Variants in TECPR1 observed in about 807,000 individuals in gnomAD.
TECPR1 encodes the protein tectonin beta-propeller repeat containing 1, also known as tectonin beta-propeller repeat-containing protein 1.
A neutral mutation model predicts 162.4 loss-of-function variants in TECPR1; 122 were observed. The ratio of observed to expected loss-of-function variants is 0.75; its 90% CI spans 0.65 to 0.87. The LOEUF (loss-of-function observed/expected upper bound fraction) is 0.87. Ranked by LOEUF, TECPR1 falls within the 40% of genes least tolerant of loss-of-function variation. The pLI is 0.00. For synonymous variants in TECPR1, 642 were observed against 670.6 expected (o/e 0.96, Z 0.66); for missense variants, 1,432 against 1,618.2 (o/e 0.88, Z 1.97).
intron 8 of TECPR1, among the ~76,000 whole-genome samples, chr7:98,239,071 C>G (rs961961025): frequency 6.6e-6 from 1 of 152,194 alleles, no homozygotes; most frequent in Non-Finnish European, 1.5e-5. Context: ...ATTTTCATGT[C>G]GACGTGTAAA....
In TECPR1 at chr7:98,244,595, G is replaced by T; in HGVS notation, c.507C>A (p.Tyr169Ter). The change falls in exon 5 of 26, where the codon TAC becomes TAA. Residue 169 changes from tyrosine (Y) to a stop codon, truncating the protein, a stop_gained. Coordinates refer to ENST00000447648, the MANE Select transcript of TECPR1 (RefSeq NM_015395.3). LOFTEE classifies it high-confidence loss of function. ...RRRKWIRYRRYKSRDIWAKIP... is the reference protein window; with the variant it reads ...RRRKWIRYRR ...CCTTGGCCCAGATGTCCCGGGACTTGTATCTCCTGTACCGGATCCACTTCC... is the reference window on the plus strand; with the variant it reads ...CCTTGGCCCAGATGTCCCGGGACTTTTATCTCCTGTACCGGATCCACTTCC... 1 of 1,611,678 alleles carries T rather than the reference G, an allele frequency of 6.2e-7. No individual in the cohort carries two copies.
chr7:98,242,373 G>C (rs1798772732), intron 6 of TECPR1, among the ~76,000 whole-genome samples: 1 of 152,024 alleles, frequency 6.6e-6, no homozygotes, highest in African/African-American at 2.4e-5. Context: ...CCTTGAGACA[G>C]GATTGCCTCT....
rs1005876262 is a variant in TECPR1, at chr7:98,215,553, A to G, written c.*1837T>C. 3.3e-5 allele frequency: 5 copies of G among 152,284 alleles called. No individual in the cohort carries two copies. The highest frequency in any genetic ancestry group is 1.2e-4 in the African/African-American group (5 of 41,476). 9.4% of individuals were successfully genotyped at this position (152,284 alleles called of 1,614,324 possible). ...GCTTATTGAGTAAAGTATCCGAGGA[A>G]GTGATGCAGGGCAGGTAAACAGCTG... is the stretch of plus-strand genomic sequence containing the variant. On this transcript the variant is annotated 3_prime_UTR_variant, in exon 26 of 26. Coordinates refer to ENST00000447648, the MANE Select transcript of TECPR1 (RefSeq NM_015395.3).
rs778175378 is a variant in TECPR1, at chr7:98,233,587, C to T, written c.1506G>A (p.Ser502=). The change falls in exon 11 of 26, where the codon TCG becomes TCA. Residue 502 remains serine (S), a synonymous_variant. Coordinates refer to ENST00000447648, the MANE Select transcript of TECPR1 (RefSeq NM_015395.3). ...TGGTGGTCTCGGGGAAGCCAGCGGC[C>T]GAGTGGCTGGGCACTTTCTTGGCCT... ...LKEAKKVPSH[S]AAGFPETTSL... is the part of the protein sequence containing the mutation. 7 of 1,592,998 alleles carry T rather than the reference C, an allele frequency of 4.4e-6. No individual in the cohort carries two copies. The highest frequency in any genetic ancestry group is 3.6e-5 in the Admixed American group (2 of 55,966).
rs80331419 is a variant in TECPR1 at position 98,218,063 on chromosome 7, G to A, written c.3158-21C>T. The A allele has an allele frequency of 1.1e-3, 1,760 of 1,543,512 alleles. 13 individuals carry two copies. The African/African-American group carries it at 0.022, about 19-fold the overall frequency. ...GTTTCCTGGGGAGAAAAGCAGTGAG[G>A]GTCAAAGGGGAAGACCTTCCCGGCC... On this transcript the variant is annotated intron_variant, in intron 23 of 25. Transcript: ENST00000447648.
intron 2 of TECPR1, among the ~76,000 whole-genome samples, chr7:98,247,355 G>A (rs1037960427): frequency 5.9e-5 from 9 of 151,894 alleles, no homozygotes; most frequent in African/African-American, 2.2e-4. Context: ...TGCCCAAGCT[G>A]GTCTCAAACT....
At position 98,246,162 on chromosome 7, in the gene TECPR1, T is replaced by A; in HGVS notation, c.-16A>T. 2 of 1,535,096 alleles carry A rather than the reference T, an allele frequency of 1.3e-6. No homozygotes were observed. The highest frequency in any genetic ancestry group is 1.8e-6 in the Non-Finnish European group (2 of 1,135,788). ...AGTTGGGCATGGCAGCGGCTGGAGG[T>A]AACCTGCGGCAGGAGGACGAGGGCC... On this transcript the variant is annotated 5_prime_UTR_variant, in exon 3 of 26. Coordinates refer to ENST00000447648, the MANE Select transcript of TECPR1 (RefSeq NM_015395.3).
In TECPR1 at chr7:98,241,404, G is replaced by C; in HGVS notation, c.658-160C>G. On this transcript the variant is annotated intron_variant, in intron 6 of 25. Transcript: ENST00000447648. The surrounding 1 kb of genome is among the most constrained non-coding windows in gnomAD (Gnocchi z 5.0). The stretch of plus-strand genomic sequence containing the variant: ...CCAAAAAACGCAAACCCTGGATTCC[G>C]GTGGTCCTGAGGGATACACTTGTTC... The C allele has an allele frequency of 1.2e-6, 1 of 818,754 alleles. No individual in the cohort carries two copies. The highest frequency in any genetic ancestry group is 1.9e-6 in the Non-Finnish European group (1 of 524,970). 50.7% of individuals were successfully genotyped at this position (818,754 alleles called of 1,614,324 possible). A position where few individuals can be genotyped will look rare whatever the true frequency, so the allele number is the denominator to read the frequency against.
chr7:98,224,609 C>G (rs2116545486), intron 19 of TECPR1, among the ~76,000 whole-genome samples, 192 bp downstream of exon 19: 2 of 152,276 alleles, frequency 1.3e-5, no homozygotes, highest in Middle Eastern at 6.8e-3. Flanking sequence ...AGGGAGCACT[C>G]CCCTGGGCCC....
intron 17 of TECPR1, among the ~76,000 whole-genome samples, chr7:98,225,618 CTT>C (rs1798263275): frequency 6.6e-6 from 1 of 151,816 alleles, no homozygotes; most frequent in Non-Finnish European, 1.5e-5. Context: ...TTCTTTCTCT[CTT>C]TCTTTCCCTT....
In TECPR1 at chr7:98,232,409, A is replaced by G. The variant is rs1214904104; in HGVS notation, c.1818+418T>C. On this transcript the variant is annotated intron_variant, in intron 12 of 25. Transcript: ENST00000447648. This position sits in a 1 kb window ranked among gnomAD's most constrained non-coding sequence, Gnocchi z 4.6. The stretch of plus-strand genomic sequence containing the variant: ...ACCTCTGAGGGCCGGGCTCTGCCAC[A>G]GGATAGTGGGGCAGAAGCAGGGTCA... Among the ~76,000 whole-genome samples the G allele has an allele frequency of 1.3e-5, 2 of 151,972 alleles. No individual in the cohort carries two copies. The highest frequency in any genetic ancestry group is 2.9e-5 in the Non-Finnish European group (2 of 67,980).
At chr7:98,230,422 C>T (rs1798394372) in intron 15 of TECPR1, among the ~76,000 whole-genome samples, 1 of 152,080 alleles carries the variant, frequency 6.6e-6, no homozygotes, top group Admixed American at 6.5e-5. Context: ...CCAGTCTCCA[C>T]CAGCATTTCC....
In TECPR1 at chr7:98,217,103, G is replaced by A. The variant is rs540674792; in HGVS notation, c.*287C>T. On this transcript the variant is annotated 3_prime_UTR_variant, in exon 26 of 26. Coordinates refer to ENST00000447648, the MANE Select transcript of TECPR1 (RefSeq NM_015395.3). ...TAGTCCTGGAAAGGCAGAAGGGAGAGGGGAAGGGAAGGGTGGGAGGGGCCT... is the reference window on the plus strand; with the variant it reads ...TAGTCCTGGAAAGGCAGAAGGGAGAAGGGAAGGGAAGGGTGGGAGGGGCCT... The A allele has an allele frequency of 3.9e-4, 138 of 356,946 alleles. No homozygotes were observed. The highest frequency in any genetic ancestry group is 2.6e-3 in the African/African-American group (124 of 47,344). The allele number at this position is 356,946 out of a possible 1,614,324, so 22.1% of individuals were successfully genotyped here.
In TECPR1 at chr7:98,217,962, G is replaced by A. The variant is rs546176846; in HGVS notation, c.3238C>T (p.Arg1080Ter). Residue 1080 changes from arginine (R) to a stop codon, truncating the protein, a stop_gained, in exon 24 of 26, where the codon CGA (arginine) becomes TGA (stop). Transcript: ENST00000447648. LOFTEE classifies it high-confidence loss of function. ...TGGTCCAGGGGCCCCACGGACACTC[G>A]GCACACGTTGTTGGACACGTGCTCC... is the stretch of plus-strand genomic sequence containing the variant. ...SWEHVSNNVC[R>*]VSVGPLDQVW... is the part of the protein sequence containing the mutation. 60 of 1,559,148 alleles carry A rather than the reference G, an allele frequency of 3.8e-5. No homozygotes were observed. The highest frequency in any genetic ancestry group is 6.1e-6 in the Non-Finnish European group (7 of 1,151,862).
At chr7:98,229,962 C>G (rs1224155490) in intron 15 of TECPR1, among the ~76,000 whole-genome samples, 2 of 151,740 alleles carry the variant, frequency 1.3e-5, no homozygotes, top group Non-Finnish European at 2.9e-5. Context: ...TCAGATCCCC[C>G]CCCCAGGGAA....
In TECPR1 at chr7:98,241,211, G is replaced by C. The variant is rs1231356016; in HGVS notation, c.691C>G (p.Pro231Ala). ...WYREDVSHSN[P>A]EGSSWSLLDT... Reference sequence around the variant, plus strand: ...AGCAGGGACCAGGAGGACCCTTCGGGGTTGGAGTGGCTGACGTCCTCTCTG... The same window carrying C: ...AGCAGGGACCAGGAGGACCCTTCGGCGTTGGAGTGGCTGACGTCCTCTCTG... The change falls in exon 7 of 26, where the codon CCC (proline) becomes GCC (alanine). Residue 231 changes from proline (P) to alanine (A), a missense_variant. By Grantham distance (27) the Pro-to-Ala change is conservative. Transcript: ENST00000447648. The surrounding 1 kb of genome is among the most constrained non-coding windows in gnomAD (Gnocchi z 5.0). 2 of 1,612,792 alleles carry C rather than the reference G, an allele frequency of 1.2e-6. No homozygotes were observed. The highest frequency in any genetic ancestry group is 4.5e-5 in the East Asian group (2 of 44,878).
chr7:98,244,786 C>G (rs968390573), intron 4 of TECPR1, 93 bp from the exon 5 acceptor site: 7 of 1,580,464 alleles, frequency 4.4e-6, no homozygotes, highest in Non-Finnish European at 6.0e-6. Flanking sequence ...CTGAAACACC[C>G]GAGCTCAGGC....
At chr7:98,243,656 C>T in intron 5 of TECPR1, 64 bp from the exon 6 acceptor site, 2 of 1,548,434 alleles carry the variant, frequency 1.3e-6, no homozygotes, top group Non-Finnish European at 8.7e-7. Context: ...CATGCACCCA[C>T]CTCCCGCCCG....
chr7:98,231,995 A>G, intron 12 of TECPR1, 36 bp from the exon 13 acceptor site: 1 of 1,566,342 alleles, frequency 6.4e-7, no homozygotes, highest in South Asian at 1.1e-5. Context: ...CATCACAGGC[A>G]GGCCCGGGGT....
Sources: gnomAD v4.1 joint callset for allele counts (sites outside exome capture counted in the v4.1 genomes callset) on GRCh38, gnomAD v4.1.1 for gene constraint, Gnocchi (gnomAD v3.1) non-coding constraint, MANE v1.5 for transcripts, NCBI Gene and HGNC (gene_info 2026-07-23, HGNC 2026-07-21) for gene names.